PRMT7: variants seen among roughly 807,000 people sequenced by gnomAD.
PRMT7 encodes the protein protein arginine methyltransferase 7.
In PRMT7, 75 loss-of-function variants were observed where a neutral mutation model predicts 85.4. The ratio of observed to expected loss-of-function variants is 0.88; its 90% CI spans 0.73 to 1.06. The LOEUF (loss-of-function observed/expected upper bound fraction) is 1.06. Among genes scored for constraint, PRMT7 ranks in the 50% least tolerant of loss-of-function variants. The pLI, the probability that PRMT7 is intolerant of heterozygous loss-of-function variation, is 0.00. For synonymous variants in PRMT7, 397 were observed against 359.5 expected (o/e 1.10, Z -1.18); for missense variants, 868 against 915.2 (o/e 0.95, Z 0.67).
At chr16:68,322,526 CTTTGTT>C in intron 4 of PRMT7, 2 of 349,360 alleles carry the variant, frequency 5.7e-6, no homozygotes, top group Admixed American at 3.1e-5. Flanking sequence ...ATGTGTATAT[CTTTGTT>C]CTAGTCTAGG....
At chr16:68,345,453 C>T (rs1253342963) in intron 9 of PRMT7, among the ~76,000 whole-genome samples, 1 of 152,194 alleles carries the variant, frequency 6.6e-6, no homozygotes, top group East Asian at 1.9e-4. Context: ...GATTGCTGCT[C>T]TTGGCCACAT....
In PRMT7 at chr16:68,356,871, C is replaced by T. The variant is rs1278610489; in HGVS notation, c.1908+74C>T. The T allele has an allele frequency of 1.3e-5, 19 of 1,456,094 alleles. 1 individual carries two copies. In the Admixed American group the frequency reaches 3.6e-4, roughly 28 times the overall value. The allele number at this position is 1,456,094 out of a possible 1,614,324, so 90.2% of individuals were successfully genotyped here. ...GCGCCGCCTGGGGAGGCCTCCCTGC[C>T]CCCATGCTCTGGGTGTTTCTGTCAC... On this transcript the variant is annotated intron_variant, in intron 18 of 18. Transcript: ENST00000441236.
At chr16:68,329,240 T>C in intron 6 of PRMT7, 66 bp downstream of exon 6, 2 of 1,237,360 alleles carry the variant, frequency 1.6e-6, no homozygotes, top group Non-Finnish European at 2.4e-6. Flanking sequence ...AAAGGGTTAT[T>C]CCAGTTACCT....
chr16:68,332,786 T>C (rs1567677264), intron 6 of PRMT7, among the ~76,000 whole-genome samples: 1 of 152,196 alleles, frequency 6.6e-6, no homozygotes, highest in Non-Finnish European at 1.5e-5. Flanking sequence ...TACCCTATAC[T>C]GTGGTCTGGA....
chr16:68,326,721 G>A (rs2083165002), intron 5 of PRMT7, among the ~76,000 whole-genome samples: 1 of 152,234 alleles, frequency 6.6e-6, no homozygotes, highest in South Asian at 2.1e-4. Context: ...AGTTCCCCAC[G>A]CTGCACCCTC....
intron 14 of PRMT7, among the ~76,000 whole-genome samples, chr16:68,349,736 C>CA (rs527601730): frequency 7.4e-4 from 112 of 151,788 alleles, no homozygotes; most frequent in African/African-American, 2.7e-3. Flanking sequence ...TCTATAAAAA[C>CA]AAAAAAAATT....
intron 9 of PRMT7, among the ~76,000 whole-genome samples, chr16:68,344,466 A>G (rs1043559425): frequency 1.3e-5 from 2 of 152,184 alleles, no homozygotes; most frequent in African/African-American, 4.8e-5. Context: ...CGTGGCCTTC[A>G]GCAGCAGCGT....
chr16:68,346,140 C>T lies in PRMT7; in HGVS notation c.1056-5C>T. The T allele has an allele frequency of 1.2e-6, 2 of 1,613,366 alleles. No individual in the cohort carries two copies. Among genetic ancestry groups the T allele is most frequent in the African/African-American group, 1.3e-5 (1 of 75,032 alleles). Reference sequence around the variant, plus strand: ...CCACGTCTGTTTGTTCATCTCCTGGCCTAGCCCTGAAAAGAATGAGAGAGT... The same window carrying T: ...CCACGTCTGTTTGTTCATCTCCTGGTCTAGCCCTGAAAAGAATGAGAGAGT... On this transcript the variant is annotated splice_polypyrimidine_tract_variant and splice_region_variant and intron_variant, in intron 10 of 18. Transcript: ENST00000441236.
chr16:68,330,809 A>G (rs2083766643), intron 6 of PRMT7, among the ~76,000 whole-genome samples: 1 of 151,886 alleles, frequency 6.6e-6, no homozygotes, highest in African/African-American at 2.4e-5. Context: ...TGGCCAGGCT[A>G]GTCCCGAACT....
In PRMT7 at chr16:68,358,316, G is replaced by C. The variant is rs1156956321; in HGVS notation, c.*1092G>C. 1 of 152,750 alleles carries C rather than the reference G, an allele frequency of 6.5e-6. No individual in the cohort carries two copies. The highest frequency in any genetic ancestry group is 1.5e-5 in the Non-Finnish European group (1 of 68,056). 9.5% of individuals were successfully genotyped at this position (152,750 alleles called of 1,614,324 possible). A position where few individuals can be genotyped will look rare whatever the true frequency, so the allele number is the denominator to read the frequency against. Reference sequence around the variant, plus strand: ...CCAGCTTGTCGCTGAAATAAGTGGAGAACACCAGCCTTGAGCCTCACAGTT... The same window carrying C: ...CCAGCTTGTCGCTGAAATAAGTGGACAACACCAGCCTTGAGCCTCACAGTT... On this transcript the variant is annotated 3_prime_UTR_variant, in exon 19 of 19. Transcript: ENST00000441236.
In PRMT7 at chr16:68,339,439, C is replaced by T. The variant is rs1046864753; in HGVS notation, c.622C>T (p.Gln208Ter). ...CCACGTGCAGACCAGCCTCGGAGAG[C>T]AGGTCATCGTCCCTCCCGTTGACGT... The part of the protein sequence containing the change: ...PIHVQTSLGE[Q>*]VIVPPVDVES... The change falls in exon 8 of 19, where the codon CAG (glutamine) becomes TAG (stop). Residue 208 changes from glutamine to a stop codon, truncating the protein, a stop_gained. Coordinates refer to ENST00000441236, the MANE Select transcript of PRMT7 (RefSeq NM_019023.5). LOFTEE classifies it high-confidence loss of function. 1 of 1,614,208 alleles carries T rather than the reference C, an allele frequency of 6.2e-7. No homozygotes were observed. Among genetic ancestry groups the T allele is most frequent in the Non-Finnish European group, 8.5e-7 (1 of 1,180,036 alleles).
chr16:68,342,418 T>C (rs2085683519), intron 9 of PRMT7, among the ~76,000 whole-genome samples: 1 of 152,192 alleles, frequency 6.6e-6, no homozygotes, highest in African/African-American at 2.4e-5. Flanking sequence ...TTCACTGTCA[T>C]AATTTTCTCA....
intron 4 of PRMT7, 109 bp downstream of exon 4, chr16:68,321,571 G>A (rs569019726): frequency 3.5e-5 from 37 of 1,071,472 alleles, no homozygotes; most frequent in African/African-American, 2.6e-4. Context: ...ACTGAGAGGC[G>A]TATGGTGTAG....
At chr16:68,319,709 A>AGTGTGTGTGTGTGTGTGTGTGT (rs750593103) in intron 3 of PRMT7, among the ~76,000 whole-genome samples, 11 of 41,904 alleles carry the variant, frequency 2.6e-4, no homozygotes, top group African/African-American at 9.1e-4. Context: ...AATAAGAGTG[A>AGTGTGTGTGTGTGTGTGTGTGT]GAGTGTGTGT....
intron 13 of PRMT7, 25 bp from the exon 14 acceptor site, chr16:68,348,317 G>C: frequency 6.6e-7 from 1 of 1,522,488 alleles, no homozygotes; most frequent in Non-Finnish European, 9.1e-7. Context: ...TATGAATACA[G>C]TAATTTTACG....
In PRMT7 at chr16:68,339,936, T is replaced by G. The variant is rs763667637; in HGVS notation, c.895T>G (p.Phe299Val). The change falls in exon 9 of 19, where the codon TTC becomes GTC. Residue 299 changes from phenylalanine to valine, a missense_variant. Transcript: ENST00000441236. ...GAAGATCAAGTGCACCATGGCCCCC[T>G]TCTGGGCACACTCAGACCCAGAGGA... ...EGKIKCTMAP[F>V]WAHSDPEEMQ... 13 of 1,613,872 alleles carry G rather than the reference T, an allele frequency of 8.1e-6. No individual in the cohort carries two copies. Among genetic ancestry groups the G allele is most frequent in the East Asian group, 4.5e-5 (2 of 44,894 alleles).
Position 68,346,296 on chromosome 16 carries a change from C to T in PRMT7, c.1191+16C>T, listed in dbSNP as rs373542609. 5.9e-5 allele frequency: 95 copies of T among 1,612,718 alleles called. No homozygotes were observed. The highest frequency in any genetic ancestry group is 8.0e-5 in the Non-Finnish European group (94 of 1,178,882). On this transcript the variant is annotated intron_variant, in intron 11 of 18. Transcript: ENST00000441236. Reference sequence around the variant, plus strand: ...TCTGAGGACCGTAAGTGTCCAGCCCCTTGGCTTGTTGTGGGGAAAAGGGAG... The same window carrying T: ...TCTGAGGACCGTAAGTGTCCAGCCCTTTGGCTTGTTGTGGGGAAAAGGGAG...
intron 2 of PRMT7, 154 bp from the exon 3 acceptor site, chr16:68,315,743 T>C: frequency 2.0e-6 from 1 of 512,242 alleles, no homozygotes; most frequent in Non-Finnish European, 3.5e-6. Flanking sequence ...TAACAAATAC[T>C]ATCAGTGGCT....
chr16:68,347,514 C>A, intron 12 of PRMT7, 117 bp from the exon 13 acceptor site: 1 of 1,192,886 alleles, frequency 8.4e-7, no homozygotes, highest in Non-Finnish European at 1.2e-6. Flanking sequence ...GGAATGAGGG[C>A]AGGGAGGGTT....
Sources: allele counts gnomAD v4.1 joint callset (sites outside exome capture counted in the v4.1 genomes callset), GRCh38; gene constraint gnomAD v4.1.1; transcripts MANE v1.5; gene names NCBI Gene and HGNC (gene_info 2026-07-23, HGNC 2026-07-21).